The following CHST8 variants were observed in gnomAD, a reference collection of about 807,000 sequenced individuals.
The protein encoded by CHST8 is GALNAC-4-ST1.
A neutral mutation model predicts 15.0 loss-of-function variants in CHST8; 10 were observed. The observed-to-expected ratio is 0.67, with a 90% CI of 0.41 to 1.13. The LOEUF (loss-of-function observed/expected upper bound fraction) is 1.13, where lower values mean the gene tolerates loss of function less well. CHST8 is among the 50% of genes most tolerant of loss of function. The probability of loss-of-function intolerance (pLI) is 0.00; values close to 1 mark genes in which losing one functional copy is unlikely to be tolerated. For synonymous variants in CHST8, 259 were observed against 256.6 expected (o/e 1.01, Z -0.09); for missense variants, 634 against 608.2 (o/e 1.04, Z -0.45).
At chr19:33,709,758 T>G (rs938567103) in intron 3 of CHST8, among the ~76,000 whole-genome samples, 1 of 152,218 alleles carries the variant, frequency 6.6e-6, no homozygotes, top group African/African-American at 2.4e-5. Context: ...TGGAATAGTT[T>G]AGGGAGGATT....
chr19:33,745,988 G>A (rs1403126355), intron 3 of CHST8, among the ~76,000 whole-genome samples: 1 of 152,192 alleles, frequency 6.6e-6, no homozygotes, highest in Non-Finnish European at 1.5e-5. Flanking sequence ...CTTGACTGGG[G>A]CGGAGACAGT....
intron 3 of CHST8, among the ~76,000 whole-genome samples, chr19:33,742,852 A>T (rs1270027989): frequency 6.6e-6 from 1 of 151,992 alleles, no homozygotes; most frequent in Non-Finnish European, 1.5e-5. Flanking sequence ...AAGTGTGCAC[A>T]CTTTGGTTAT....
At chr19:33,684,481 C>T (rs1028151867) in intron 2 of CHST8, 1 of 152,370 alleles carries the variant, frequency 6.6e-6, no homozygotes, top group African/African-American at 2.4e-5. Context: ...GCCCATCCGT[C>T]AACCTTGCAG....
At chr19:33,693,036 C>T (rs1293758616) in intron 3 of CHST8, among the ~76,000 whole-genome samples, 3 of 134,794 alleles carry the variant, frequency 2.2e-5, no homozygotes, top group South Asian at 2.3e-4. Context: ...GATGGAGTTT[C>T]GTTCTTGTTG....
chr19:33,678,865 C>A (rs1330093194), intron 2 of CHST8, among the ~76,000 whole-genome samples: 1 of 152,196 alleles, frequency 6.6e-6, no homozygotes, highest in Non-Finnish European at 1.5e-5. Flanking sequence ...TCCACATGAC[C>A]CCAGCCCGAA....
At chr19:33,771,535 T>C (rs896357783) in intron 4 of CHST8, 85 bp downstream of exon 4, 40 of 1,318,314 alleles carry the variant, frequency 3.0e-5, no homozygotes, top group Admixed American at 5.1e-5. Flanking sequence ...GGAGCTCACA[T>C]TGGATCCATT....
rs547356622 is a variant in CHST8, at chr19:33,723,959, C to A, written c.130+34568C>A. Among the ~76,000 whole-genome samples the A allele has an allele frequency of 1.1e-4, 17 of 152,290 alleles. 1 individual carries two copies. The South Asian group carries it at 3.5e-3, about 32-fold the overall frequency. On this transcript the variant is annotated intron_variant, in intron 3 of 4. Transcript: ENST00000650847. ...GGCTGAGAGTGGGGAGGAGTAGCTT[C>A]CCGTGGCGAAGGGGTGCTGGTGTGG...
chr19:33,699,281 G>A (rs756037905), intron 3 of CHST8, among the ~76,000 whole-genome samples: 3 of 152,144 alleles, frequency 2.0e-5, no homozygotes, highest in Non-Finnish European at 2.9e-5. Flanking sequence ...CTCTGCTCTC[G>A]GGAGCTCACA....
At chr19:33,690,250 G>C (rs897994687) in intron 3 of CHST8, among the ~76,000 whole-genome samples, 1 of 152,142 alleles carries the variant, frequency 6.6e-6, no homozygotes, top group Non-Finnish European at 1.5e-5. Context: ...CAGAGACACC[G>C]CTCCTCTGCA....
chr19:33,772,131 C>T lies in CHST8; in HGVS notation c.343C>T (p.Leu115Phe), dbSNP rs1163430752. ...LRLRQRRRRL[L>F]IKKMPAAATI... Reference sequence around the variant, plus strand: ...GCTCCGCCAGCGCCGTCGCCGTCTGCTCATCAAGAAAATGCCAGCTGCGGC... The same window carrying T: ...GCTCCGCCAGCGCCGTCGCCGTCTGTTCATCAAGAAAATGCCAGCTGCGGC... Residue 115 changes from leucine to phenylalanine, a missense_variant, in exon 5 of 5, where the codon CTC becomes TTC. Leu to Phe is a conservative substitution (Grantham distance 22). Transcript: ENST00000650847. 1 of 1,609,544 alleles carries T rather than the reference C, an allele frequency of 6.2e-7. No homozygotes were observed. The highest frequency in any genetic ancestry group is 8.5e-7 in the Non-Finnish European group (1 of 1,178,492).
intron 3 of CHST8, among the ~76,000 whole-genome samples, chr19:33,756,096 C>T (rs371764207): frequency 5.9e-5 from 9 of 152,086 alleles, no homozygotes; most frequent in South Asian, 4.1e-4. Context: ...TGCTGGAGAG[C>T]GAAGAACGGG....
intron 2 of CHST8, among the ~76,000 whole-genome samples, chr19:33,686,719 A>G (rs1972986059): frequency 6.6e-6 from 1 of 152,178 alleles, no homozygotes; most frequent in Non-Finnish European, 1.5e-5. Context: ...TGTCTGACTC[A>G]GGAGGCTGCA....
rs185942408 is a variant in CHST8, at chr19:33,633,453, G to A, written c.-164+11157G>A. ...GTCATCTAGGCCAGAGTGCAGTGGC[G>A]CAATCACAGCTCACTGCAGCCTTGA... On this transcript the variant is annotated intron_variant, in intron 1 of 4. Coordinates refer to ENST00000650847, the MANE Select transcript of CHST8 (RefSeq NM_001127895.2). Among the ~76,000 whole-genome samples, 43 of 152,122 alleles carry A rather than the reference G, an allele frequency of 2.8e-4. 1 individual carries two copies. The highest frequency in any genetic ancestry group is 9.6e-4 in the African/African-American group (40 of 41,486).
At chr19:33,724,511 T>G (rs1973858112) in intron 3 of CHST8, among the ~76,000 whole-genome samples, 1 of 152,160 alleles carries the variant, frequency 6.6e-6, no homozygotes, top group South Asian at 2.1e-4. Flanking sequence ...CCAGGCTCCA[T>G]GAATAATTGA....
At chr19:33,747,176 C>A (rs768250905) in intron 3 of CHST8, among the ~76,000 whole-genome samples, 1 of 152,178 alleles carries the variant, frequency 6.6e-6, no homozygotes, top group African/African-American at 2.4e-5. Context: ...TGTGGGGTCA[C>A]TTCTGGTCTG....
intron 1 of CHST8, among the ~76,000 whole-genome samples, chr19:33,640,376 A>G (rs1349377949): frequency 6.6e-6 from 1 of 152,190 alleles, no homozygotes; most frequent in Non-Finnish European, 1.5e-5. Context: ...GGTGGAAGCC[A>G]TGGCTCCTTT....
intron 3 of CHST8, among the ~76,000 whole-genome samples, chr19:33,752,594 G>T (rs150066967): frequency 1.6e-4 from 25 of 152,204 alleles, no homozygotes; most frequent in African/African-American, 5.5e-4. Context: ...CGCAGAAGTC[G>T]CATCTGACCC....
At chr19:33,694,819 G>T (rs1973179261) in intron 3 of CHST8, among the ~76,000 whole-genome samples, 2 of 152,122 alleles carry the variant, frequency 1.3e-5, no homozygotes, top group South Asian at 4.1e-4. Context: ...AGCTTCAGGC[G>T]ATCTACCTGC....
At chr19:33,684,734 C>G (rs1378446855) in intron 2 of CHST8, 1 of 151,530 alleles carries the variant, frequency 6.6e-6, no homozygotes, top group Non-Finnish European at 1.5e-5. Flanking sequence ...GATCGATCGG[C>G]GACGAGCAGA....
Sources: allele counts gnomAD v4.1 joint callset (sites outside exome capture counted in the v4.1 genomes callset), GRCh38; gene constraint gnomAD v4.1.1; transcripts MANE v1.5; gene names NCBI Gene and HGNC (gene_info 2026-07-23, HGNC 2026-07-21).